The following BTBD9 variants were observed in gnomAD, a reference collection of about 807,000 sequenced individuals.
BTBD9 encodes BTB/POZ domain-containing protein 9.
BTBD9 carries 49 observed loss-of-function variants against 64.3 expected under a neutral mutation model. The ratio of observed to expected loss-of-function variants is 0.76; its 90% CI spans 0.61 to 0.97. The LOEUF (loss-of-function observed/expected upper bound fraction) is 0.97, where lower values mean the gene tolerates loss of function less well. Among genes scored for constraint, BTBD9 ranks in the 50% least tolerant of loss-of-function variants. BTBD9 has a pLI of 0.00. For synonymous variants in BTBD9, 260 were observed against 274.7 expected, an observed-to-expected ratio of 0.95 and a Z score of 0.53; for missense variants, 598 against 762.1, an observed-to-expected ratio of 0.78 and a Z score of 2.53.
intron 8 of BTBD9, among the ~76,000 whole-genome samples, chr6:38,266,655 A>G (rs1765010941): frequency 7.3e-6 from 1 of 137,758 alleles, no homozygotes; most frequent in African/African-American, 3.1e-5. Context: ...AGAAAGAAAG[A>G]AAGAAAGAAA....
intron 6 of BTBD9, among the ~76,000 whole-genome samples, chr6:38,467,773 C>A (rs898108645): frequency 6.6e-6 from 1 of 152,102 alleles, no homozygotes; most frequent in African/African-American, 2.4e-5. Flanking sequence ...CCTAAATTAC[C>A]CAAGCTTAAA....
intron 6 of BTBD9, among the ~76,000 whole-genome samples, chr6:38,367,344 C>T (rs1582304583): frequency 6.6e-6 from 1 of 152,148 alleles, no homozygotes. Flanking sequence ...TAGCCTCTTG[C>T]TACTTTATAG....
intron 6 of BTBD9, among the ~76,000 whole-genome samples, chr6:38,550,807 A>C (rs553976530): frequency 6.6e-6 from 1 of 152,332 alleles, no homozygotes; most frequent in South Asian, 2.1e-4. Context: ...CCTAGTAGTT[A>C]GAACAATCAA....
intron 7 of BTBD9, among the ~76,000 whole-genome samples, chr6:38,299,877 C>G (rs1459767882): frequency 1.3e-5 from 2 of 152,186 alleles, no homozygotes; most frequent in African/African-American, 2.4e-5. Context: ...TCCCATTTGT[C>G]AATTTTGGCT....
At chr6:38,476,344 T>C (rs1390230537) in intron 6 of BTBD9, among the ~76,000 whole-genome samples, 1 of 152,144 alleles carries the variant, frequency 6.6e-6, no homozygotes, top group Non-Finnish European at 1.5e-5. Context: ...GAAGCCAGGG[T>C]GCATAACATG....
intron 6 of BTBD9, among the ~76,000 whole-genome samples, chr6:38,473,398 G>GT (rs1322474909): frequency 1.3e-5 from 2 of 152,212 alleles, no homozygotes; most frequent in Non-Finnish European, 2.9e-5. Flanking sequence ...GGATTATCCA[G>GT]TTTTCATCCT....
At chr6:38,243,700 A>T (rs566672773) in intron 9 of BTBD9, among the ~76,000 whole-genome samples, 2 of 152,284 alleles carry the variant, frequency 1.3e-5, no homozygotes, top group South Asian at 4.2e-4. Flanking sequence ...AAAGGAGTGG[A>T]GCTGCTTTAT....
intron 6 of BTBD9, among the ~76,000 whole-genome samples, chr6:38,416,420 C>T (rs1279720948): frequency 6.6e-6 from 1 of 151,128 alleles, no homozygotes; most frequent in African/African-American, 2.4e-5. Flanking sequence ...CTGCAAGCTC[C>T]GTCTCCCGGG....
At chr6:38,306,686 C>A (rs1203662843) in intron 7 of BTBD9, among the ~76,000 whole-genome samples, 1 of 152,192 alleles carries the variant, frequency 6.6e-6, no homozygotes, top group Non-Finnish European at 1.5e-5. Context: ...GGCAGTATTA[C>A]TTCAGTAGGA....
intron 7 of BTBD9, among the ~76,000 whole-genome samples, chr6:38,315,893 A>G (rs182476236): frequency 1.3e-5 from 2 of 152,176 alleles, no homozygotes; most frequent in Admixed American, 6.5e-5. Context: ...GATCGGTCCA[A>G]TGCTGAAAGT....
chr6:38,602,918 T>C (rs1037579437), intron 1 of BTBD9, among the ~76,000 whole-genome samples: 1 of 152,164 alleles, frequency 6.6e-6, no homozygotes, highest in East Asian at 1.9e-4. Flanking sequence ...CATGGCCTAC[T>C]AGGACATTCC....
At chr6:38,389,379 T>G (rs1045119106) in intron 6 of BTBD9, among the ~76,000 whole-genome samples, 1 of 152,140 alleles carries the variant, frequency 6.6e-6, no homozygotes, top group Non-Finnish European at 1.5e-5. Context: ...CTTTGTACAT[T>G]CCAAAAAGAC....
At chr6:38,248,735 C>G (rs1435175565) in intron 9 of BTBD9, among the ~76,000 whole-genome samples, 2 of 152,200 alleles carry the variant, frequency 1.3e-5, no homozygotes, top group Admixed American at 1.3e-4. Context: ...AGTTCGCTCT[C>G]CCTTCCCGGA....
intron 6 of BTBD9, among the ~76,000 whole-genome samples, chr6:38,573,191 T>G (rs1243236908): frequency 1.3e-5 from 2 of 152,176 alleles, no homozygotes; most frequent in Non-Finnish European, 2.9e-5. Flanking sequence ...AAACAAATTA[T>G]GTATTACATT....
intron 6 of BTBD9, among the ~76,000 whole-genome samples, chr6:38,395,956 G>A (rs1346887076): frequency 2.0e-5 from 3 of 152,018 alleles, no homozygotes; most frequent in Non-Finnish European, 4.4e-5. Context: ...TGATTCGCCC[G>A]CCTCGGCCTC....
At chr6:38,634,381 T>C (rs1224959173) in intron 1 of BTBD9, among the ~76,000 whole-genome samples, 3 of 152,230 alleles carry the variant, frequency 2.0e-5, no homozygotes, top group African/African-American at 7.2e-5. Context: ...TCCATGTTTC[T>C]GTGATTATAC....
At chr6:38,306,712 A>G (rs1486568840) in intron 7 of BTBD9, among the ~76,000 whole-genome samples, 1 of 152,210 alleles carries the variant, frequency 6.6e-6, no homozygotes, top group Non-Finnish European at 1.5e-5. Context: ...CCTGAGGGCC[A>G]CCTGTACCAG....
At chr6:38,496,064 G>A (rs191626575) in intron 6 of BTBD9, among the ~76,000 whole-genome samples, 9 of 152,178 alleles carry the variant, frequency 5.9e-5, no homozygotes, top group Admixed American at 3.3e-4. Flanking sequence ...CGTTGTGACC[G>A]TGAAAACAAA....
chr6:38,629,752 G>C (rs948310203), intron 1 of BTBD9, among the ~76,000 whole-genome samples: 1 of 151,636 alleles, frequency 6.6e-6, no homozygotes, highest in Non-Finnish European at 1.5e-5. Flanking sequence ...AACCCAGGAG[G>C]TGGAGGTTAC....
Sources: gnomAD v4.1 joint callset for allele counts (sites outside exome capture counted in the v4.1 genomes callset) on GRCh38, gnomAD v4.1.1 for gene constraint, MANE v1.5 for transcripts, NCBI Gene and HGNC (gene_info 2026-07-23, HGNC 2026-07-21) for gene names.